The following TRIM71 variants were observed in gnomAD, a reference collection of about 807,000 sequenced individuals.
TRIM71 encodes tripartite motif containing 71, also known as E3 ubiquitin-protein ligase TRIM71.
TRIM71 carries 9 observed loss-of-function variants against 61.2 expected under a neutral mutation model. That is an observed-to-expected ratio of 0.15 (90% confidence interval 0.09 to 0.26). The LOEUF is 0.26. Among genes scored for constraint, TRIM71 ranks in the 10% least tolerant of loss-of-function variants. The pLI is 1.00. For missense variants in TRIM71, 998 were observed against 1,238.7 expected (o/e 0.81, Z 2.92); for synonymous variants, 645 against 553.2 (o/e 1.17, Z -2.33).
At chr3:32,822,392 C>G (rs777132433) in intron 1 of TRIM71, among the ~76,000 whole-genome samples, 1 of 152,104 alleles carries the variant, frequency 6.6e-6, no homozygotes, top group East Asian at 1.9e-4. Context: ...GAGAAAAGTT[C>G]TAGAATTCCA....
chr3:32,836,932 C>T (rs986827390), intron 1 of TRIM71, among the ~76,000 whole-genome samples: 3 of 152,294 alleles, frequency 2.0e-5, no homozygotes, highest in East Asian at 1.9e-4. Context: ...TTGTTACAAA[C>T]GACCCATTCC....
rs779506889 is a variant in TRIM71, at chr3:32,857,798, G to A, written c.853-16020G>A. On this transcript the variant is annotated intron_variant, in intron 1 of 3. Transcript: ENST00000383763. ...CCAGCCTGGCCAACATGGCGAAACC[G>A]TGTCTGTACTAAAAACACAAAAATT... Among the ~76,000 whole-genome samples the A allele has an allele frequency of 4.1e-4, 62 of 152,036 alleles. 1 individual carries two copies. The highest frequency in any genetic ancestry group is 1.8e-4 in the Non-Finnish European group (12 of 68,002).
At chr3:32,819,095 C>T (rs549947239) in intron 1 of TRIM71, among the ~76,000 whole-genome samples, 163 bp downstream of exon 1, 1 of 152,324 alleles carries the variant, frequency 6.6e-6, no homozygotes, top group African/African-American at 2.4e-5. Context: ...AGATCATGAC[C>T]TGGGAAGTAT....
At chr3:32,846,931 A>G (rs1335234569) in intron 1 of TRIM71, among the ~76,000 whole-genome samples, 1 of 152,172 alleles carries the variant, frequency 6.6e-6, no homozygotes, top group Non-Finnish European at 1.5e-5. Context: ...TGTCTTGTAA[A>G]CAATGCTGCA....
chr3:32,837,697 T>C (rs1378818910), intron 1 of TRIM71, among the ~76,000 whole-genome samples: 1 of 151,996 alleles, frequency 6.6e-6, no homozygotes, highest in African/African-American at 2.4e-5. Flanking sequence ...CACGCACCTG[T>C]AGTGAAGCTG....
intron 1 of TRIM71, among the ~76,000 whole-genome samples, chr3:32,852,535 A>G (rs1575349237): frequency 6.6e-6 from 1 of 152,156 alleles, no homozygotes; most frequent in Admixed American, 6.5e-5. Flanking sequence ...TTAGGGAGCT[A>G]TGGGAATGTG....
rs923367406 is a variant in TRIM71 at position 32,890,251 on chromosome 3, A to G, written c.1156-109A>G. 5.6e-6 allele frequency: 8 copies of G among 1,416,928 alleles called. No individual in the cohort carries two copies. In the African/African-American group the frequency reaches 5.7e-5, roughly 10 times the overall value. The allele number at this position is 1,416,928 out of a possible 1,614,324, so 87.8% of individuals were successfully genotyped here. On this transcript the variant is annotated intron_variant, in intron 3 of 3. Transcript: ENST00000383763. This position sits in a 1 kb window ranked among gnomAD's most constrained non-coding sequence, Gnocchi z 6.2. ...AGATGTCTTTTGTAGACCATCCCAC[A>G]ATATGTGTTTGTCTGATGCTTCCTT...
At chr3:32,845,538 C>A (rs939245285) in intron 1 of TRIM71, among the ~76,000 whole-genome samples, 1 of 152,154 alleles carries the variant, frequency 6.6e-6, no homozygotes, top group Non-Finnish European at 1.5e-5. Context: ...CTGGGGGTTA[C>A]TCACAGGTAC....
intron 1 of TRIM71, among the ~76,000 whole-genome samples, chr3:32,843,923 T>C (rs531611980): frequency 6.6e-6 from 1 of 152,246 alleles, no homozygotes; most frequent in East Asian, 1.9e-4. Context: ...CTGCTGGATT[T>C]AATGTTATGC....
chr3:32,833,465 C>G (rs940890221), intron 1 of TRIM71, among the ~76,000 whole-genome samples: 8 of 151,844 alleles, frequency 5.3e-5, no homozygotes, highest in African/African-American at 1.7e-4. Flanking sequence ...CTGCTTCTGA[C>G]TGGAGTGGAG....
chr3:32,849,511 A>ACC (rs760128380), intron 1 of TRIM71, among the ~76,000 whole-genome samples: 5 of 152,044 alleles, frequency 3.3e-5, no homozygotes, highest in Non-Finnish European at 5.9e-5. Flanking sequence ...GGCGTGCACC[A>ACC]CCACGTCCAG....
intron 1 of TRIM71, among the ~76,000 whole-genome samples, chr3:32,827,567 G>T (rs370807030): frequency 6.6e-6 from 1 of 152,162 alleles, no homozygotes; most frequent in East Asian, 1.9e-4. Context: ...TGCAAGGGGG[G>T]ATAATTCTTG....
chr3:32,835,748 C>G (rs1279684397), intron 1 of TRIM71, among the ~76,000 whole-genome samples: 1 of 152,144 alleles, frequency 6.6e-6, no homozygotes, highest in Non-Finnish European at 1.5e-5. Context: ...CTTTAGTTAA[C>G]TCTAATCCTG....
intron 1 of TRIM71, among the ~76,000 whole-genome samples, chr3:32,819,533 A>C (rs911417669): frequency 6.6e-6 from 1 of 152,154 alleles, no homozygotes; most frequent in African/African-American, 2.4e-5. Context: ...GTTGGGTAAG[A>C]GTGGGAGCGT....
At chr3:32,860,530 TC>T (rs1559544850) in intron 1 of TRIM71, among the ~76,000 whole-genome samples, 26 of 151,622 alleles carry the variant, frequency 1.7e-4, no homozygotes, top group African/African-American at 6.3e-4. Flanking sequence ...GTTGCCCTAC[TC>T]TCCTCATTGC....
intron 1 of TRIM71, among the ~76,000 whole-genome samples, chr3:32,845,797 T>C (rs1484141252): frequency 2.6e-5 from 4 of 151,656 alleles, no homozygotes; most frequent in African/African-American, 7.3e-5. Flanking sequence ...CTGCAACCTC[T>C]GCAACCTCCG....
At position 32,893,970 on chromosome 3, in the gene TRIM71, G is replaced by A. The variant is rs1382047233; in HGVS notation, c.*2159G>A. ...CCCAGCTGCTGTTACAGGGTGGGAAGGTGTTAGGAAATGTTGTTTGTTAGA... is the reference window on the plus strand; with the variant it reads ...CCCAGCTGCTGTTACAGGGTGGGAAAGTGTTAGGAAATGTTGTTTGTTAGA... On this transcript the variant is annotated 3_prime_UTR_variant, in exon 4 of 4. Coordinates refer to ENST00000383763, the MANE Select transcript of TRIM71 (RefSeq NM_001039111.3). 6.6e-6 allele frequency: 1 copy of A among 152,200 alleles called. No homozygotes were observed. Among genetic ancestry groups the A allele is most frequent in the East Asian group, 1.9e-4 (1 of 5,206 alleles). The allele number at this position is 152,200 out of a possible 1,614,324, so 9.4% of individuals were successfully genotyped here. A position where few individuals can be genotyped will look rare whatever the true frequency, so the allele number is the denominator to read the frequency against.
chr3:32,896,915 G>C lies in TRIM71; in HGVS notation c.*5104G>C, dbSNP rs1697084027. The C allele has an allele frequency of 6.6e-6, 1 of 151,906 alleles. No homozygotes were observed. Among genetic ancestry groups the C allele is most frequent in the South Asian group, 2.1e-4 (1 of 4,814 alleles). 9.4% of individuals were successfully genotyped at this position (151,906 alleles called of 1,614,324 possible). On this transcript the variant is annotated 3_prime_UTR_variant, in exon 4 of 4. Coordinates refer to ENST00000383763, the MANE Select transcript of TRIM71 (RefSeq NM_001039111.3). ...TGTGTTTCTAGCAGTCTGTGTAGTT[G>C]TCTTTCTTCAGAGGAAGATTTTTCA...
chr3:32,830,414 G>A (rs1303540564), intron 1 of TRIM71, among the ~76,000 whole-genome samples: 1 of 152,120 alleles, frequency 6.6e-6, no homozygotes, highest in Admixed American at 6.6e-5. Flanking sequence ...AATTTAGCAA[G>A]GGAGAAAGCT....
Sources: allele counts gnomAD v4.1 joint callset (sites outside exome capture counted in the v4.1 genomes callset), GRCh38; gene constraint gnomAD v4.1.1; non-coding constraint Gnocchi (gnomAD v3.1); transcripts MANE v1.5; gene names NCBI Gene and HGNC (gene_info 2026-07-23, HGNC 2026-07-21).